Variants in SPAG16 observed in about 807,000 individuals in gnomAD.
The protein encoded by SPAG16 is sperm associated antigen 16.
A neutral mutation model predicts 80.4 loss-of-function variants in SPAG16; 86 were observed. That is an observed-to-expected ratio of 1.07 (90% CI 0.90 to 1.28). The LOEUF (loss-of-function observed/expected upper bound fraction) is 1.28. Among genes scored for constraint, SPAG16 ranks in the 50% most tolerant of loss-of-function variants. The pLI is 0.00. For synonymous variants in SPAG16, 294 were observed against 265.9 expected, an observed-to-expected ratio of 1.11 and a Z score of -1.03; for missense variants, 870 against 765.3, an observed-to-expected ratio of 1.14 and a Z score of -1.61.
intron 10 of SPAG16, among the ~76,000 whole-genome samples, chr2:213,532,458 T>C (rs573467855): frequency 2.0e-5 from 3 of 148,902 alleles, no homozygotes; most frequent in South Asian, 2.1e-4. Flanking sequence ...ATGAGTTTAA[T>C]TGAATTTTTT....
At chr2:213,716,406 G>A (rs2066241674) in intron 10 of SPAG16, among the ~76,000 whole-genome samples, 1 of 152,136 alleles carries the variant, frequency 6.6e-6, no homozygotes, top group Non-Finnish European at 1.5e-5. Context: ...TAAATTGAGA[G>A]CTGTCTAATT....
intron 10 of SPAG16, among the ~76,000 whole-genome samples, chr2:213,509,892 A>G (rs2075154446): frequency 6.6e-6 from 1 of 152,212 alleles, no homozygotes; most frequent in South Asian, 2.1e-4. Flanking sequence ...GTTTTTTGAA[A>G]GGATCAACAA....
intron 9 of SPAG16, among the ~76,000 whole-genome samples, chr2:213,425,890 A>C (rs77708750): frequency 0.06 from 9,128 of 152,190 alleles, 912 homozygotes; most frequent in African/African-American, 0.21. Flanking sequence ...CCATGGAGTA[A>C]TAGCTGATAC....
At chr2:213,618,709 T>G (rs932643857) in intron 10 of SPAG16, among the ~76,000 whole-genome samples, 2 of 113,926 alleles carry the variant, frequency 1.8e-5, no homozygotes, top group Admixed American at 1.6e-4. Context: ...AGGATTTCTG[T>G]TTTTTTTTTT....
chr2:214,111,782 G>C (rs1312912120), intron 14 of SPAG16, among the ~76,000 whole-genome samples: 2 of 152,060 alleles, frequency 1.3e-5, no homozygotes, highest in Non-Finnish European at 2.9e-5. Context: ...CCATTTGTTT[G>C]TGTCCTCTTT....
intron 15 of SPAG16, among the ~76,000 whole-genome samples, chr2:214,291,271 T>G (rs1008979405): frequency 2.6e-5 from 4 of 151,288 alleles, no homozygotes; most frequent in Non-Finnish European, 4.4e-5. Flanking sequence ...GGGTGTTTCT[T>G]GTTAGCAGTA....
intron 15 of SPAG16, among the ~76,000 whole-genome samples, chr2:214,176,253 A>G (rs1229656465): frequency 6.6e-6 from 1 of 151,320 alleles, no homozygotes; most frequent in African/African-American, 2.4e-5. Flanking sequence ...ATGTTAAGAT[A>G]CTGTAAAGGA....
chr2:213,528,345 A>G (rs543967073), intron 10 of SPAG16, among the ~76,000 whole-genome samples: 4 of 152,330 alleles, frequency 2.6e-5, no homozygotes, highest in Admixed American at 2.6e-4. Context: ...GATGTTGTAA[A>G]TAAAACTATA....
At chr2:214,387,288 T>C (rs1474404622) in intron 15 of SPAG16, among the ~76,000 whole-genome samples, 1 of 152,210 alleles carries the variant, frequency 6.6e-6, no homozygotes, top group Non-Finnish European at 1.5e-5. Context: ...ATTTCTGCTA[T>C]CTAATACTCT....
chr2:213,398,393 T>C (rs1394048106), intron 9 of SPAG16, among the ~76,000 whole-genome samples: 5 of 152,150 alleles, frequency 3.3e-5, no homozygotes, highest in Admixed American at 2.6e-4. Context: ...AGGCCCTACA[T>C]TACCTAGATC....
At chr2:213,580,450 G>T (rs2060263856) in intron 10 of SPAG16, among the ~76,000 whole-genome samples, 1 of 152,042 alleles carries the variant, frequency 6.6e-6, no homozygotes, top group African/African-American at 2.4e-5. Context: ...GCAAATAAAA[G>T]ATAATACTTT....
chr2:213,420,167 G>A (rs1020472494), intron 9 of SPAG16, among the ~76,000 whole-genome samples: 6 of 152,162 alleles, frequency 3.9e-5, no homozygotes, highest in African/African-American at 1.4e-4. Context: ...TGTAATGCAT[G>A]TCAAAATAAA....
At chr2:213,813,884 G>C (rs922807369) in intron 10 of SPAG16, among the ~76,000 whole-genome samples, 1 of 152,078 alleles carries the variant, frequency 6.6e-6, no homozygotes, top group African/African-American at 2.4e-5. Flanking sequence ...GACATGAAGA[G>C]GCAGGAAAGA....
chr2:213,549,427 C>G (rs1357879610), intron 10 of SPAG16, among the ~76,000 whole-genome samples: 1 of 152,082 alleles, frequency 6.6e-6, no homozygotes, highest in East Asian at 1.9e-4. Flanking sequence ...TTCTCTTACT[C>G]CTATTCCTTT....
At chr2:213,385,349 A>T (rs147507471) in intron 9 of SPAG16, among the ~76,000 whole-genome samples, 1 of 152,218 alleles carries the variant, frequency 6.6e-6, no homozygotes, top group African/African-American at 2.4e-5. Flanking sequence ...TAGGGTGTTA[A>T]GTTCTGTGTT....
intron 10 of SPAG16, among the ~76,000 whole-genome samples, chr2:213,662,365 C>T (rs1384857149): frequency 1.3e-5 from 2 of 152,004 alleles, no homozygotes; most frequent in Non-Finnish European, 2.9e-5. Flanking sequence ...ATCCAAGGAA[C>T]TAAAAGAAGG....
At chr2:213,772,800 TTTGAGGAAAAC>T (rs1384428906) in intron 10 of SPAG16, among the ~76,000 whole-genome samples, 3 of 152,178 alleles carry the variant, frequency 2.0e-5, no homozygotes, top group Non-Finnish European at 4.4e-5. Flanking sequence ...TGTACATCAA[TTTGAGGAAAAC>T]TGACATCTAA....
chr2:213,593,966 G>A (rs1258277748), intron 10 of SPAG16, among the ~76,000 whole-genome samples: 6 of 150,530 alleles, frequency 4.0e-5, no homozygotes, highest in African/African-American at 1.5e-4. Flanking sequence ...TAGTAGAGGC[G>A]GGTTTTCACC....
intron 14 of SPAG16, among the ~76,000 whole-genome samples, chr2:214,148,894 A>G (rs1255508600): frequency 6.6e-6 from 1 of 151,846 alleles, no homozygotes; most frequent in Non-Finnish European, 1.5e-5. Context: ...GATTTTATAT[A>G]TTAAGAATAT....
Sources: allele counts gnomAD v4.1 joint callset (sites outside exome capture counted in the v4.1 genomes callset), GRCh38; gene constraint gnomAD v4.1.1; transcripts MANE v1.5; gene names NCBI Gene and HGNC (gene_info 2026-07-23, HGNC 2026-07-21).